DOK6: variants seen among roughly 807,000 people sequenced by gnomAD.
DOK6 encodes downstream of tyrosine kinase 6.
Under a neutral mutation model 44.0 loss-of-function variants are expected in DOK6, and 22 were observed. The observed-to-expected ratio is 0.50, with a 90% confidence interval of 0.36 to 0.71. The LOEUF (loss-of-function observed/expected upper bound fraction) is 0.71. DOK6 is among the 30% of genes least tolerant of loss of function. The pLI, the probability that DOK6 is intolerant of heterozygous loss-of-function variation, is 0.00. For missense variants in DOK6, 340 were observed against 416.4 expected (o/e 0.82, Z 1.60); for synonymous variants, 166 against 145.5 (o/e 1.14, Z -1.01).
intron 1 of DOK6, among the ~76,000 whole-genome samples, chr18:69,487,495 T>A (rs1302838712): frequency 6.6e-6 from 1 of 152,138 alleles, no homozygotes; most frequent in Non-Finnish European, 1.5e-5. Flanking sequence ...AGGTTTATAC[T>A]TTGATGTGAG....
intron 1 of DOK6, among the ~76,000 whole-genome samples, chr18:69,434,562 G>A (rs1030576687): frequency 5.4e-5 from 8 of 147,874 alleles, no homozygotes; most frequent in Admixed American, 4.1e-4. Flanking sequence ...AGGCAGAGGC[G>A]GGCGGATCAC....
chr18:69,796,469 G>T (rs1484405741), intron 7 of DOK6, among the ~76,000 whole-genome samples: 1 of 152,118 alleles, frequency 6.6e-6, no homozygotes, highest in Non-Finnish European at 1.5e-5. Flanking sequence ...AGCCTTCTAA[G>T]AACATGAGAC....
chr18:69,478,922 A>G (rs1311005252), intron 1 of DOK6, among the ~76,000 whole-genome samples: 1 of 152,214 alleles, frequency 6.6e-6, no homozygotes, highest in East Asian at 1.9e-4. Context: ...TTTCAGTTAT[A>G]GAAAAAGACC....
chr18:69,770,859 T>TA (rs1979867579), intron 7 of DOK6, among the ~76,000 whole-genome samples: 1 of 151,770 alleles, frequency 6.6e-6, no homozygotes, highest in East Asian at 1.9e-4. Context: ...CTCTCCTAAA[T>TA]ATTTCCTTTT....
intron 3 of DOK6, among the ~76,000 whole-genome samples, chr18:69,641,466 C>T (rs2144654442): frequency 6.6e-6 from 1 of 152,250 alleles, no homozygotes; most frequent in South Asian, 2.1e-4. Flanking sequence ...TCTGGAGCCA[C>T]CCACAGATTT....
At chr18:69,790,767 C>G (rs1980571239) in intron 7 of DOK6, among the ~76,000 whole-genome samples, 1 of 151,998 alleles carries the variant, frequency 6.6e-6, no homozygotes, top group Non-Finnish European at 1.5e-5. Flanking sequence ...AAACATTTAT[C>G]TTTTCTTCAT....
At chr18:69,508,785 A>G (rs997463088) in intron 1 of DOK6, among the ~76,000 whole-genome samples, 1 of 152,210 alleles carries the variant, frequency 6.6e-6, no homozygotes, top group Admixed American at 6.5e-5. Context: ...AGTCTGTCTC[A>G]GGAATTCATG....
chr18:69,468,205 C>G (rs1979982713), intron 1 of DOK6, among the ~76,000 whole-genome samples: 1 of 151,974 alleles, frequency 6.6e-6, no homozygotes, highest in African/African-American at 2.4e-5. Context: ...TCTTTGTATA[C>G]TGTAAAGGAG....
chr18:69,712,779 T>C (rs1487288159), intron 5 of DOK6, among the ~76,000 whole-genome samples: 1 of 151,864 alleles, frequency 6.6e-6, no homozygotes, highest in Non-Finnish European at 1.5e-5. Context: ...GCCGGGAGGC[T>C]GAGGTTGCAG....
At chr18:69,818,448 G>A (rs1002069985) in intron 7 of DOK6, among the ~76,000 whole-genome samples, 3 of 152,156 alleles carry the variant, frequency 2.0e-5, no homozygotes, top group Admixed American at 2.0e-4. Flanking sequence ...AGGCAAATCT[G>A]AAGTCCAGGG....
chr18:69,696,316 A>C (rs1986388594), intron 4 of DOK6, among the ~76,000 whole-genome samples: 2 of 152,186 alleles, frequency 1.3e-5, no homozygotes, highest in Non-Finnish European at 2.9e-5. Context: ...CACTGGAAGG[A>C]CACTCAATGT....
chr18:69,492,099 C>T (rs1259880110), intron 1 of DOK6, among the ~76,000 whole-genome samples: 3 of 152,046 alleles, frequency 2.0e-5, no homozygotes, highest in African/African-American at 2.4e-5. Context: ...TAGTGTGAAT[C>T]GACAATTCTA....
At chr18:69,709,396 T>A (rs1168969153) in intron 5 of DOK6, among the ~76,000 whole-genome samples, 3 of 152,154 alleles carry the variant, frequency 2.0e-5, no homozygotes, top group African/African-American at 7.2e-5. Context: ...TTTTTTCCCA[T>A]TTTTTATTGC....
At chr18:69,533,366 C>T (rs1454602127) in intron 1 of DOK6, among the ~76,000 whole-genome samples, 4 of 152,020 alleles carry the variant, frequency 2.6e-5, no homozygotes, top group African/African-American at 9.7e-5. Flanking sequence ...TTTAGTGTGG[C>T]TTGTCATGTC....
chr18:69,744,296 C>A (rs1978904240), intron 6 of DOK6, among the ~76,000 whole-genome samples: 1 of 128,348 alleles, frequency 7.8e-6, no homozygotes, highest in East Asian at 2.4e-4. Context: ...GGCAACAGAG[C>A]AGGACTCCGT....
chr18:69,620,104 GC>G (rs768498398), intron 3 of DOK6, among the ~76,000 whole-genome samples: 1 of 151,884 alleles, frequency 6.6e-6, no homozygotes, highest in Non-Finnish European at 1.5e-5. Context: ...TGTGACGTAT[GC>G]TTTTAATACA....
chr18:69,612,422 C>A (rs1488443945), intron 3 of DOK6, among the ~76,000 whole-genome samples: 1 of 150,368 alleles, frequency 6.7e-6, no homozygotes, highest in African/African-American at 2.4e-5. Context: ...CGCATGTGTG[C>A]GAGGGCGCAT....
rs575505611 is a variant in DOK6, at chr18:69,507,132, A to G, written c.67-57355A>G. 7.9e-5 allele frequency among the ~76,000 whole-genome samples: 12 copies of G among 152,100 alleles called. No individual in the cohort carries two copies. The South Asian group carries it at 2.5e-3, about 32-fold the overall frequency. On this transcript the variant is annotated intron_variant, in intron 1 of 7. Transcript: ENST00000382713. ...AAACTCCACCTCCCGGGTTCAAGCA[A>G]TTCCCCTGCCTCAGCCTCTCAAGTA...
At chr18:69,758,316 CTTAAAGT>C (rs966003445) in intron 7 of DOK6, among the ~76,000 whole-genome samples, 1 of 152,138 alleles carries the variant, frequency 6.6e-6, no homozygotes, top group Admixed American at 6.5e-5. Context: ...CCATGAAAGT[CTTAAAGT>C]TTAGTCAAAG....
Sources: allele counts gnomAD v4.1 joint callset (sites outside exome capture counted in the v4.1 genomes callset), GRCh38; gene constraint gnomAD v4.1.1; transcripts MANE v1.5; gene names NCBI Gene and HGNC (gene_info 2026-07-23, HGNC 2026-07-21).